The following PABPC4L variants were observed in gnomAD, a reference collection of about 807,000 sequenced individuals.
PABPC4L encodes poly(A) binding protein cytoplasmic 4 like.
For synonymous variants in PABPC4L, 169 were observed against 164.1 expected, an observed-to-expected ratio of 1.03 and a Z score of -0.23; for missense variants, 452 against 451.4, an observed-to-expected ratio of 1.00 and a Z score of -0.01.
the PABPC4L span, among the ~76,000 whole-genome samples, chr4:134,173,159 CAAAAAAAAAA>C: frequency 1.3e-5 from 1 of 78,004 alleles, no homozygotes; most frequent in East Asian, 3.6e-4. Flanking sequence ...GGAGATTCCT[CAAAAAAAAAA>C]AAAAAAAAAA....
the PABPC4L span, among the ~76,000 whole-genome samples, chr4:134,047,922 C>T: frequency 1.3e-5 from 2 of 151,294 alleles, no homozygotes; most frequent in East Asian, 3.9e-4. Context: ...ATAAATGTTG[C>T]TATGCTGCAA....
chr4:134,057,313 T>C, the PABPC4L span, among the ~76,000 whole-genome samples: 2 of 152,058 alleles, frequency 1.3e-5, no homozygotes, highest in African/African-American at 4.8e-5. Flanking sequence ...TCTAACATAT[T>C]ATTTTTTTCT....
At chr4:134,059,918 C>T in the PABPC4L span, among the ~76,000 whole-genome samples, 2 of 152,096 alleles carry the variant, frequency 1.3e-5, no homozygotes, top group Admixed American at 1.3e-4. Flanking sequence ...GTTTTAACTT[C>T]GTATCTCTAA....
the PABPC4L span, among the ~76,000 whole-genome samples, chr4:134,034,324 T>A: frequency 6.6e-6 from 1 of 151,874 alleles, no homozygotes; most frequent in Non-Finnish European, 1.5e-5. Context: ...TAGTCACCCG[T>A]GAGCTCTGAC....
At position 134,200,164 on chromosome 4, in the gene PABPC4L, G is replaced by T. The variant is rs540190827; in HGVS notation, c.856C>A (p.Arg286=). 1.3e-6 allele frequency: 2 copies of T among 1,551,614 alleles called. No homozygotes were observed. Among genetic ancestry groups the T allele is most frequent in the African/African-American group, 1.4e-5 (1 of 73,132 alleles). The change falls in exon 2 of 2, where the codon CGA becomes AGA. Residue 286 remains arginine (R), a synonymous_variant. Transcript: ENST00000421491. ...TTTACCCCCTGGCACCCACGAATTC[G>T]TTCCCTTTTCAGCTGCTCAAACATT... ...KQMFEQLKRE[R]IRGCQGVKLY...
the PABPC4L span, among the ~76,000 whole-genome samples, chr4:134,186,693 G>A: frequency 6.6e-6 from 1 of 152,042 alleles, no homozygotes; most frequent in African/African-American, 2.4e-5. Context: ...TTGACAAATG[G>A]GATCTAATTA....
At chr4:134,150,336 G>A in the PABPC4L span, among the ~76,000 whole-genome samples, 1 of 151,880 alleles carries the variant, frequency 6.6e-6, no homozygotes, top group Non-Finnish European at 1.5e-5. Context: ...CACCTGCCTT[G>A]GCCTCCCAAA....
At chr4:134,041,370 T>C in the PABPC4L span, among the ~76,000 whole-genome samples, 1 of 152,018 alleles carries the variant, frequency 6.6e-6, no homozygotes, top group African/African-American at 2.4e-5. Context: ...ATGGCACATA[T>C]ACACCATGGA....
At chr4:134,151,504 C>G in the PABPC4L span, among the ~76,000 whole-genome samples, 1 of 152,096 alleles carries the variant, frequency 6.6e-6, no homozygotes, top group South Asian at 2.1e-4. Context: ...ATTAAATATT[C>G]TTTCTGATCA....
At chr4:133,978,232 G>T in the PABPC4L span, among the ~76,000 whole-genome samples, 3 of 152,128 alleles carry the variant, frequency 2.0e-5, no homozygotes, top group South Asian at 2.1e-4. Flanking sequence ...GGGCTCTGTT[G>T]CTCCACCCCA....
chr4:134,178,605 T>TA, the PABPC4L span, among the ~76,000 whole-genome samples: 3 of 152,118 alleles, frequency 2.0e-5, no homozygotes, highest in South Asian at 4.1e-4. Flanking sequence ...ATCATCAACT[T>TA]ACAGGAGATA....
chr4:133,954,513 T>C, the PABPC4L span, among the ~76,000 whole-genome samples: 1 of 152,108 alleles, frequency 6.6e-6, no homozygotes, highest in African/African-American at 2.4e-5. Flanking sequence ...TCTCTTGTTT[T>C]TCTTTGTCGG....
chr4:134,021,970 A>G, the PABPC4L span, among the ~76,000 whole-genome samples: 3 of 152,128 alleles, frequency 2.0e-5, no homozygotes, highest in Non-Finnish European at 4.4e-5. Flanking sequence ...CCACAATACT[A>G]ACAGACAGCT....
chr4:133,961,751 G>A, the PABPC4L span, among the ~76,000 whole-genome samples: 1,220 of 152,200 alleles, frequency 8.0e-3, 46 homozygotes, highest in Admixed American at 0.062. Flanking sequence ...CAGACCCGCC[G>A]TTGACTTCCA....
chr4:134,105,722 C>T, the PABPC4L span, among the ~76,000 whole-genome samples: 19 of 151,570 alleles, frequency 1.3e-4, no homozygotes, highest in Admixed American at 7.9e-4. Flanking sequence ...TTGAACACAT[C>T]TTATGGATAA....
the PABPC4L span, among the ~76,000 whole-genome samples, chr4:134,050,879 TA>T: frequency 6.3e-5 from 4 of 63,590 alleles, no homozygotes; most frequent in South Asian, 5.5e-4. Flanking sequence ...TATTGACCTT[TA>T]TTTTTTTTTT....
At chr4:134,054,489 G>A in the PABPC4L span, among the ~76,000 whole-genome samples, 1 of 151,362 alleles carries the variant, frequency 6.6e-6, no homozygotes, top group African/African-American at 2.4e-5. Flanking sequence ...TCACTGGAAG[G>A]ATCCCCCATT....
At chr4:134,063,421 G>A in the PABPC4L span, among the ~76,000 whole-genome samples, 1 of 151,906 alleles carries the variant, frequency 6.6e-6, no homozygotes, top group Non-Finnish European at 1.5e-5. Flanking sequence ...AGCAAGATAG[G>A]GCAAGCCAGG....
chr4:134,147,733 G>GTC, the PABPC4L span, among the ~76,000 whole-genome samples: 1 of 92,112 alleles, frequency 1.1e-5, no homozygotes, highest in Non-Finnish European at 1.9e-5. Flanking sequence ...TACAGTGTGT[G>GTC]TGTGTGTGTG....
Sources: allele counts gnomAD v4.1 joint callset (sites outside exome capture counted in the v4.1 genomes callset), GRCh38; gene constraint gnomAD v4.1.1; transcripts MANE v1.5; gene names NCBI Gene and HGNC (gene_info 2026-07-23, HGNC 2026-07-21).